The following CTTNBP2 variants were observed in gnomAD, a reference collection of about 807,000 sequenced individuals.
CTTNBP2 encodes cortactin-binding protein 2.
Under a neutral mutation model 156.9 loss-of-function variants are expected in CTTNBP2, and 108 were observed. That is an observed-to-expected ratio of 0.69 (90% confidence interval 0.59 to 0.81). CTTNBP2 has a LOEUF of 0.81. Among genes scored for constraint, CTTNBP2 ranks in the 30% least tolerant of loss-of-function variants. CTTNBP2 has a pLI of 0.00. For synonymous variants in CTTNBP2, 767 were observed against 751.8 expected (o/e 1.02, Z -0.33); for missense variants, 1,924 against 2,035.4 (o/e 0.95, Z 1.05).
intron 14 of CTTNBP2, among the ~76,000 whole-genome samples, chr7:117,737,118 G>A (rs1421891616): frequency 6.6e-6 from 1 of 152,086 alleles, no homozygotes. Flanking sequence ...TACTTGTGGA[G>A]GGCTGCTAAC....
intron 3 of CTTNBP2, among the ~76,000 whole-genome samples, chr7:117,797,278 C>G (rs974262616): frequency 3.3e-5 from 5 of 152,202 alleles, no homozygotes; most frequent in African/African-American, 1.2e-4. Context: ...GCAAAGACCT[C>G]AGATGCTGCC....
rs986082186 is a variant in CTTNBP2 at position 117,724,594 on chromosome 7, C to A, written c.4400G>T (p.Gly1467Val). ...KVNTSPRRKSGRFSLPTWNKP... is the reference protein window; with the variant it reads ...KVNTSPRRKSVRFSLPTWNKP... ...ATTCCAGGTGGGTAAAGAGAAGCGG[C>A]CAGACTTCCTGCGAGGACTGGTGTT... The change falls in exon 19 of 23, where the codon GGC (glycine) becomes GTC (valine). Residue 1467 changes from glycine (G) to valine (V), a missense_variant. Gly to Val is a moderately radical substitution (Grantham distance 109). Coordinates refer to ENST00000160373, the MANE Select transcript of CTTNBP2 (RefSeq NM_033427.3). 6.2e-7 allele frequency: 1 copy of A among 1,614,076 alleles called. No homozygotes were observed. The highest frequency in any genetic ancestry group is 8.5e-7 in the Non-Finnish European group (1 of 1,180,024).
In CTTNBP2 at chr7:117,718,063, TA is replaced by T; in HGVS notation, c.4700del (p.Val1567AspfsTer9). 3 of 1,613,488 alleles carry T rather than the reference TA, an allele frequency of 1.9e-6. No individual in the cohort carries two copies. Among genetic ancestry groups the T allele is most frequent in the Non-Finnish European group, 2.5e-6 (3 of 1,179,480 alleles). ...TCAGATTATTAATAGTTGCTGAAAG[TA>T]CAGGGTTGTTTCCAGAACTATCAAA... ...RMFDSSGNNP[V>X]LSATINNLRM... On this transcript the variant is annotated frameshift_variant, in exon 22 of 23. Coordinates refer to ENST00000160373, the MANE Select transcript of CTTNBP2 (RefSeq NM_033427.3). LOFTEE classifies it high-confidence loss of function.
At position 117,767,524 on chromosome 7, in the gene CTTNBP2, G is replaced by A. The variant is rs1246694270; in HGVS notation, c.2779-348C>T. 3.3e-5 allele frequency among the ~76,000 whole-genome samples: 5 copies of A among 152,126 alleles called. No homozygotes were observed. The East Asian group carries it at 9.6e-4, about 29-fold the overall frequency. ...AGACATTCTCCTTTTATGGTAATTT[G>A]GCAATAGAAAACAAAAAGACTTTTG... On this transcript the variant is annotated intron_variant, in intron 8 of 22. Transcript: ENST00000160373.
Position 117,760,538 on chromosome 7 carries a change from T to C in CTTNBP2, c.3069A>G (p.Ala1023=). ...GACTCCACCATCCATCAGAAGAGAT[T>C]GCCTGGAAATGATTTGTCAGAGCTT... is the stretch of plus-strand genomic sequence containing the variant. ...VSQALTNHFQ[A]ISSDGWWSLE... The change falls in exon 10 of 23, where the codon GCA becomes GCG. Residue 1023 remains alanine, a synonymous_variant. Transcript: ENST00000160373. 2.5e-6 allele frequency: 4 copies of C among 1,614,148 alleles called. No individual in the cohort carries two copies. The highest frequency in any genetic ancestry group is 3.4e-6 in the Non-Finnish European group (4 of 1,180,004).
At chr7:117,770,381 A>C (rs1797737455) in intron 8 of CTTNBP2, among the ~76,000 whole-genome samples, 1 of 152,240 alleles carries the variant, frequency 6.6e-6, no homozygotes, top group Non-Finnish European at 1.5e-5. Context: ...AGTAGCACAT[A>C]GCCAAACACT....
At chr7:117,773,793 A>C (rs980471165) in intron 8 of CTTNBP2, among the ~76,000 whole-genome samples, 1 of 152,012 alleles carries the variant, frequency 6.6e-6, no homozygotes, top group Non-Finnish European at 1.5e-5. Context: ...GTGTTCTGGA[A>C]GCCCAGGGAG....
At chr7:117,722,947 G>T (rs1020752238) in intron 19 of CTTNBP2, among the ~76,000 whole-genome samples, 3 of 152,182 alleles carry the variant, frequency 2.0e-5, no homozygotes, top group African/African-American at 7.2e-5. Context: ...TGTAAATGGA[G>T]ATCATTATCA....
At position 117,772,428 on chromosome 7, in the gene CTTNBP2, C is replaced by A. The variant is rs146345121; in HGVS notation, c.2778+5083G>T. On this transcript the variant is annotated intron_variant, in intron 8 of 22. Coordinates refer to ENST00000160373, the MANE Select transcript of CTTNBP2 (RefSeq NM_033427.3). ...TGCTGTTGGAGTAAGAGAGGAGAAG[C>A]AAGAATTGCAGCAGATTGGCCAAGA... is the stretch of plus-strand genomic sequence containing the variant. 3.4e-4 allele frequency among the ~76,000 whole-genome samples: 51 copies of A among 152,170 alleles called. No homozygotes were observed. In the East Asian group the frequency reaches 6.4e-3, roughly 19 times the overall value.
chr7:117,735,095 C>T lies in CTTNBP2; in HGVS notation c.3694G>A (p.Gly1232Arg). The T allele has an allele frequency of 1.2e-6, 2 of 1,610,864 alleles. No individual in the cohort carries two copies. The highest frequency in any genetic ancestry group is 1.7e-6 in the Non-Finnish European group (2 of 1,177,952). ...TGAAAGTAATAACATTCGGACAGTC[C>T]ATTTCCTGAAACAAACCAAAAAGCA... Reference protein sequence around the residue: ...ESPCTFQKGNGLSECYYFHEN... With the variant: ...ESPCTFQKGNRLSECYYFHEN... Residue 1232 changes from glycine to arginine, a missense_variant, in exon 16 of 23, where the codon GGA becomes AGA. By Grantham distance (125) the Gly-to-Arg change is moderately radical. Transcript: ENST00000160373.
chr7:117,760,752 A>C (rs781222464), intron 9 of CTTNBP2, 42 bp from the exon 10 acceptor site: 1 of 1,413,864 alleles, frequency 7.1e-7, no homozygotes, highest in Non-Finnish European at 9.7e-7. Context: ...AAAAATCTGG[A>C]CAGAAAAAAA....
intron 2 of CTTNBP2, among the ~76,000 whole-genome samples, chr7:117,849,465 C>A (rs1439601280): frequency 3.3e-5 from 5 of 152,152 alleles, no homozygotes; most frequent in Non-Finnish European, 7.4e-5. Flanking sequence ...AGCCTCAGAT[C>A]ATTCCATTTT....
intron 2 of CTTNBP2, among the ~76,000 whole-genome samples, chr7:117,828,335 AT>A (rs1434606277): frequency 1.3e-5 from 2 of 152,160 alleles, no homozygotes; most frequent in Non-Finnish European, 2.9e-5. Context: ...AATAAAGAAC[AT>A]GTGTGCCCCC....
chr7:117,813,695 G>A (rs1800417022), intron 2 of CTTNBP2, among the ~76,000 whole-genome samples: 1 of 151,850 alleles, frequency 6.6e-6, no homozygotes, highest in South Asian at 2.1e-4. Flanking sequence ...CACCTCCACT[G>A]AGCCCACCAA....
In CTTNBP2 at chr7:117,710,784, G is replaced by C. The variant is rs1794015100; in HGVS notation, c.*753C>G. 6.6e-6 allele frequency: 1 copy of C among 152,542 alleles called. No homozygotes were observed. The highest frequency in any genetic ancestry group is 2.1e-4 in the South Asian group (1 of 4,830). The allele number at this position is 152,542 out of a possible 1,614,324, so 9.4% of individuals were successfully genotyped here. A position where few individuals can be genotyped will look rare whatever the true frequency, so the allele number is the denominator to read the frequency against. ...CAGTTGTGCTACTAGAAATATTGAA[G>C]GAGTTAATTCTGAATTTATTCATTT... On this transcript the variant is annotated 3_prime_UTR_variant, in exon 23 of 23. Transcript: ENST00000160373.
intron 8 of CTTNBP2, among the ~76,000 whole-genome samples, chr7:117,776,036 C>G (rs1404129564): frequency 6.6e-6 from 1 of 152,168 alleles, no homozygotes; most frequent in Non-Finnish European, 1.5e-5. Context: ...GTTACCCAAC[C>G]AGGAGCTCTA....
chr7:117,760,747 TCTGG>T (rs1249924679), intron 9 of CTTNBP2, 37 bp from the exon 10 acceptor site: 1 of 1,458,920 alleles, frequency 6.9e-7, no homozygotes, highest in Admixed American at 2.0e-5. Flanking sequence ...GTTAAAAAAA[TCTGG>T]ACAGAAAAAA....
chr7:117,850,033 T>C (rs531619153), intron 2 of CTTNBP2, among the ~76,000 whole-genome samples: 1 of 152,272 alleles, frequency 6.6e-6, no homozygotes, highest in African/African-American at 2.4e-5. Flanking sequence ...AATGACATAA[T>C]CCACATAAAA....
At chr7:117,737,742 A>AT (rs1795784350) in intron 14 of CTTNBP2, among the ~76,000 whole-genome samples, 1 of 151,684 alleles carries the variant, frequency 6.6e-6, no homozygotes, top group African/African-American at 2.4e-5. Flanking sequence ...CCAAATACAA[A>AT]ATTTTTTTTT....
Sources: allele counts gnomAD v4.1 joint callset (sites outside exome capture counted in the v4.1 genomes callset), GRCh38; gene constraint gnomAD v4.1.1; transcripts MANE v1.5; gene names NCBI Gene and HGNC (gene_info 2026-07-23, HGNC 2026-07-21).